L3MBTL4: variants seen among roughly 807,000 people sequenced by gnomAD.
L3MBTL4 encodes lethal(3)malignant brain tumor-like protein 4.
Under a neutral mutation model 84.5 loss-of-function variants are expected in L3MBTL4, and 70 were observed. The observed-to-expected ratio is 0.83, with a 90% CI of 0.68 to 1.01. The LOEUF is 1.01. L3MBTL4 is among the 50% of genes least tolerant of loss of function. The probability of loss-of-function intolerance (pLI) is 0.00; values close to 1 mark genes in which losing one functional copy is unlikely to be tolerated. For synonymous variants in L3MBTL4, 274 were observed against 259.8 expected (o/e 1.05, Z -0.52); for missense variants, 715 against 754.8 (o/e 0.95, Z 0.62).
intron 16 of L3MBTL4, among the ~76,000 whole-genome samples, chr18:6,000,738 A>G (rs1356544080): frequency 6.6e-6 from 1 of 152,228 alleles, no homozygotes; most frequent in South Asian, 2.1e-4. Flanking sequence ...TGCAATAACA[A>G]GACCTATCTT....
rs1048411659 is a variant in L3MBTL4, at chr18:5,955,818, C to T, written c.*402G>A. 1 of 156,654 alleles carries T rather than the reference C, an allele frequency of 6.4e-6. No homozygotes were observed. Among genetic ancestry groups the T allele is most frequent in the Non-Finnish European group, 1.4e-5 (1 of 71,088 alleles). 9.7% of individuals were successfully genotyped at this position (156,654 alleles called of 1,614,324 possible). The stretch of plus-strand genomic sequence containing the variant: ...AAGCTCGATGTTGCTCTGGTAAAAA[C>T]ATTAACGATGTATTCATGAACACTG... On this transcript the variant is annotated 3_prime_UTR_variant, in exon 19 of 19. Transcript: ENST00000317931.
At chr18:6,189,938 G>A (rs2044988886) in intron 12 of L3MBTL4, among the ~76,000 whole-genome samples, 1 of 152,132 alleles carries the variant, frequency 6.6e-6, no homozygotes, top group African/African-American at 2.4e-5. Flanking sequence ...AAGGAGAGGA[G>A]ATAGAAAATG....
Position 5,955,660 on chromosome 18 carries a change from T to C in L3MBTL4, c.*560A>G, listed in dbSNP as rs1032872012. On this transcript the variant is annotated 3_prime_UTR_variant, in exon 19 of 19. Coordinates refer to ENST00000317931, the MANE Select transcript of L3MBTL4 (RefSeq NM_001330559.2). Reference sequence around the variant, plus strand: ...GGAGAATTAATGAATCATGAAAACATGTGCTTATTATTATTATTTTTTAGA... The same window carrying C: ...GGAGAATTAATGAATCATGAAAACACGTGCTTATTATTATTATTTTTTAGA... 3 of 152,336 alleles carry C rather than the reference T, an allele frequency of 2.0e-5. No homozygotes were observed. The highest frequency in any genetic ancestry group is 7.2e-5 in the African/African-American group (3 of 41,562). 9.4% of individuals were successfully genotyped at this position (152,336 alleles called of 1,614,324 possible).
At chr18:6,200,670 C>T (rs1330553591) in intron 12 of L3MBTL4, among the ~76,000 whole-genome samples, 1 of 152,090 alleles carries the variant, frequency 6.6e-6, no homozygotes, top group Non-Finnish European at 1.5e-5. Context: ...TTCACTCTGT[C>T]AATATTTCAA....
intron 1 of L3MBTL4, among the ~76,000 whole-genome samples, chr18:6,330,965 A>G (rs2052002568): frequency 6.6e-6 from 1 of 152,224 alleles, no homozygotes; most frequent in Non-Finnish European, 1.5e-5. Flanking sequence ...AAAATAAGTG[A>G]CTTCTGGTCA....
intron 1 of L3MBTL4, among the ~76,000 whole-genome samples, chr18:6,347,626 A>T (rs931585329): frequency 4.0e-5 from 6 of 151,366 alleles, no homozygotes; most frequent in South Asian, 2.1e-4. Flanking sequence ...TAACTTTTTA[A>T]AAAAAAAACT....
intron 14 of L3MBTL4, among the ~76,000 whole-genome samples, chr18:6,137,136 T>C (rs112858605): frequency 0.017 from 2,580 of 152,330 alleles, 80 homozygotes; most frequent in African/African-American, 0.058. Flanking sequence ...TACTGCAGAC[T>C]CCTTACAGAC....
At chr18:6,375,448 C>T (rs961102254) in intron 1 of L3MBTL4, among the ~76,000 whole-genome samples, 3 of 152,102 alleles carry the variant, frequency 2.0e-5, no homozygotes, top group Non-Finnish European at 2.9e-5. Flanking sequence ...CCCACCACCT[C>T]GCTGCCCCTC....
At chr18:6,295,066 G>A (rs1169551118) in intron 4 of L3MBTL4, among the ~76,000 whole-genome samples, 1 of 152,070 alleles carries the variant, frequency 6.6e-6, no homozygotes, top group Non-Finnish European at 1.5e-5. Flanking sequence ...GAGGTCAAGA[G>A]TTTGAGACCA....
intron 1 of L3MBTL4, among the ~76,000 whole-genome samples, chr18:6,411,991 A>G (rs1257398921): frequency 6.6e-6 from 1 of 152,192 alleles, no homozygotes; most frequent in Non-Finnish European, 1.5e-5. Flanking sequence ...TGATAAATGC[A>G]TTGTTTTAAC....
chr18:6,345,473 T>C (rs570138901), intron 1 of L3MBTL4, among the ~76,000 whole-genome samples: 2 of 151,760 alleles, frequency 1.3e-5, no homozygotes, highest in South Asian at 4.1e-4. Context: ...ATTTTAAAAA[T>C]TCGGTAAATT....
At chr18:6,240,943 T>G (rs2146115898) in intron 8 of L3MBTL4, among the ~76,000 whole-genome samples, 1 of 152,328 alleles carries the variant, frequency 6.6e-6, no homozygotes, top group Admixed American at 6.5e-5. Context: ...CCCCTTCAAT[T>G]AGTACAAAAT....
intron 13 of L3MBTL4, among the ~76,000 whole-genome samples, chr18:6,154,576 A>C (rs2043024337): frequency 6.6e-6 from 1 of 152,120 alleles, no homozygotes; most frequent in Non-Finnish European, 1.5e-5. Context: ...GAATGTGCAA[A>C]CAACCTGGTA....
intron 16 of L3MBTL4, among the ~76,000 whole-genome samples, chr18:5,995,309 G>A (rs766624007): frequency 2.0e-5 from 3 of 152,352 alleles, no homozygotes; most frequent in East Asian, 1.9e-4. Flanking sequence ...GCATGGTGAC[G>A]GTGACAGTGA....
At chr18:6,229,458 T>C (rs8089954) in intron 10 of L3MBTL4, among the ~76,000 whole-genome samples, 1,845 of 152,294 alleles carry the variant, frequency 0.012, 41 homozygotes, top group African/African-American at 0.042. Context: ...TGTCCTTCGA[T>C]GTATGGAAGT....
intron 1 of L3MBTL4, among the ~76,000 whole-genome samples, chr18:6,333,063 C>CA (rs1443671868): frequency 2.0e-5 from 3 of 149,756 alleles, no homozygotes. Context: ...TAAAAGACCT[C>CA]AAAAAAATAT....
rs376693083 is a variant in L3MBTL4, at chr18:6,201,493, T to C, written c.981+11656A>G. ...TGCCAGGAATGGGCTTAGGGCTGTC[T>C]TGGACATTTGTAGAGAAAAATTTGA... On this transcript the variant is annotated intron_variant, in intron 12 of 18. Transcript: ENST00000317931. 2.0e-5 allele frequency among the ~76,000 whole-genome samples: 3 copies of C among 152,312 alleles called. No individual in the cohort carries two copies. The South Asian group carries it at 6.2e-4, about 32-fold the overall frequency.
chr18:6,208,413 T>A (rs370734161), intron 12 of L3MBTL4, among the ~76,000 whole-genome samples: 1 of 152,206 alleles, frequency 6.6e-6, no homozygotes, highest in Non-Finnish European at 1.5e-5. Context: ...GCCACAAATA[T>A]GTCCAGTTAA....
chr18:6,071,698 AAAGAAAGAAAGAAAGAAG>A (rs2057617506), intron 16 of L3MBTL4, among the ~76,000 whole-genome samples: 1 of 113,914 alleles, frequency 8.8e-6, no homozygotes, highest in Admixed American at 8.4e-5. Flanking sequence ...AGAAAGAAAG[AAAGAAAGAAAGAAAGAAG>A]GAAAGAAAGA....
Sources: gnomAD v4.1 joint callset for allele counts (sites outside exome capture counted in the v4.1 genomes callset) on GRCh38, gnomAD v4.1.1 for gene constraint, MANE v1.5 for transcripts, NCBI Gene and HGNC (gene_info 2026-07-23, HGNC 2026-07-21) for gene names.